PROSER1: variants seen among roughly 807,000 people sequenced by gnomAD.
PROSER1 encodes proline and serine rich 1.
In PROSER1, 36 loss-of-function variants were observed where a neutral mutation model predicts 71.8. The observed-to-expected ratio is 0.50, with a 90% confidence interval of 0.38 to 0.66. The LOEUF (loss-of-function observed/expected upper bound fraction) is 0.66. Among genes scored for constraint, PROSER1 ranks in the 30% least tolerant of loss-of-function variants. The probability of loss-of-function intolerance (pLI) is 0.00; values close to 1 mark genes in which losing one functional copy is unlikely to be tolerated. For synonymous variants in PROSER1, 490 were observed against 452.4 expected (o/e 1.08, Z -1.06); for missense variants, 1,107 against 1,135.0 (o/e 0.98, Z 0.35).
intron 6 of PROSER1, among the ~76,000 whole-genome samples, chr13:39,025,455 G>A (rs9576705): frequency 0.14 from 22,047 of 152,088 alleles, 1,921 homozygotes; most frequent in African/African-American, 0.23. Flanking sequence ...AGAAAGGATG[G>A]CATCTGACTT....
chr13:39,034,862 T>C (rs925913988), intron 1 of PROSER1, among the ~76,000 whole-genome samples: 2 of 152,320 alleles, frequency 1.3e-5, no homozygotes, highest in Admixed American at 6.5e-5. Flanking sequence ...ATATAACAGG[T>C]ATTCAGTAAG....
chr13:39,026,181 G>T, intron 6 of PROSER1, 96 bp downstream of exon 6: 2 of 730,396 alleles, frequency 2.7e-6, no homozygotes, highest in South Asian at 1.9e-5. Flanking sequence ...TTAAGTTACC[G>T]ACATAAAATT....
At chr13:39,029,132 A>G (rs920771447) in intron 4 of PROSER1, 149 bp downstream of exon 4, 28 of 530,828 alleles carry the variant, frequency 5.3e-5, no homozygotes, top group Admixed American at 1.2e-4. Flanking sequence ...AGTACACTAG[A>G]TACTTATTCA....
At position 39,011,279 on chromosome 13, in the gene PROSER1, G is replaced by T; in HGVS notation, c.*86C>A. On this transcript the variant is annotated 3_prime_UTR_variant, in exon 13 of 13. Transcript: ENST00000352251. ...CCCTCATTCTCATTTTCCGACTTTTGGCCAGCTTCACATTTGTCAGATTGT... is the reference window on the plus strand; with the variant it reads ...CCCTCATTCTCATTTTCCGACTTTTTGCCAGCTTCACATTTGTCAGATTGT... 2.9e-6 allele frequency: 4 copies of T among 1,383,614 alleles called. No individual in the cohort carries two copies. Among genetic ancestry groups the T allele is most frequent in the South Asian group, 1.3e-5 (1 of 76,088 alleles). The allele number at this position is 1,383,614 out of a possible 1,614,324, so 85.7% of individuals were successfully genotyped here. A position where few individuals can be genotyped will look rare whatever the true frequency, so the allele number is the denominator to read the frequency against.
In PROSER1 at chr13:39,012,192, G is replaced by C. The variant is rs983817681; in HGVS notation, c.2603C>G (p.Pro868Arg). 6.8e-6 allele frequency: 11 copies of C among 1,614,042 alleles called. No individual in the cohort carries two copies. The highest frequency in any genetic ancestry group is 9.3e-6 in the Non-Finnish European group (11 of 1,179,974). ...GLQAAGSSVF[P>R]GLLSLPGIPG... is the part of the protein sequence containing the mutation. Reference sequence around the variant, plus strand: ...GATACCCGGGAGGGACAAAAGGCCTGGAAAAACAGAACTGCCTGCAGCTTG... The same window carrying C: ...GATACCCGGGAGGGACAAAAGGCCTCGAAAAACAGAACTGCCTGCAGCTTG... Residue 868 changes from proline (P) to arginine (R), a missense_variant, in exon 12 of 13, where the codon CCA becomes CGA. Physicochemically the swap from Pro to Arg is moderately radical, Grantham distance 103. Transcript: ENST00000352251.
At chr13:39,011,977 C>A in intron 12 of PROSER1, 106 bp downstream of exon 12, 3 of 1,196,236 alleles carry the variant, frequency 2.5e-6, no homozygotes, top group African/African-American at 1.5e-5. Context: ...TGCTAAGAGC[C>A]ATTTTTTGCC....
intron 11 of PROSER1, 132 bp from the exon 12 acceptor site, chr13:39,012,365 G>A: frequency 1.0e-6 from 1 of 1,000,848 alleles, no homozygotes; most frequent in Non-Finnish European, 1.5e-6. Flanking sequence ...TCTGTTGGAA[G>A]GACCATAAAA....
chr13:39,027,581 C>A (rs141355442), intron 5 of PROSER1, among the ~76,000 whole-genome samples: 11 of 152,280 alleles, frequency 7.2e-5, no homozygotes, highest in African/African-American at 1.9e-4. Context: ...TGGCTCAGAT[C>A]TTAACTCTTC....
chr13:39,034,045 CA>C, intron 2 of PROSER1, 85 bp downstream of exon 2: 1 of 948,866 alleles, frequency 1.1e-6, no homozygotes, highest in South Asian at 2.1e-5. Flanking sequence ...AAGGTAAAAC[CA>C]ATTCTGAATT....
intron 9 of PROSER1, among the ~76,000 whole-genome samples, chr13:39,020,327 AT>A (rs779818050): frequency 6.6e-5 from 10 of 152,240 alleles, no homozygotes; most frequent in African/African-American, 1.9e-4. Context: ...TATCATAAAA[AT>A]GTCAGTTCTT....
At chr13:39,036,071 G>A (rs1222722378) in intron 1 of PROSER1, among the ~76,000 whole-genome samples, 1 of 151,990 alleles carries the variant, frequency 6.6e-6, no homozygotes, top group African/African-American at 2.4e-5. Context: ...AAAATCTGCT[G>A]GTCTACTTGG....
At chr13:39,035,218 G>A (rs1871041043) in intron 1 of PROSER1, among the ~76,000 whole-genome samples, 2 of 152,172 alleles carry the variant, frequency 1.3e-5, no homozygotes, top group South Asian at 2.1e-4. Context: ...ATTCCTAGGA[G>A]TTTTATTATC....
rs998121516 is a variant in PROSER1, at chr13:39,028,087, C to A, written c.369+140G>T. 5 of 539,900 alleles carry A rather than the reference C, an allele frequency of 9.3e-6. No individual in the cohort carries two copies. In the Admixed American group the frequency reaches 1.6e-4, roughly 17 times the overall value. 33.4% of individuals were successfully genotyped at this position (539,900 alleles called of 1,614,324 possible). On this transcript the variant is annotated intron_variant, in intron 5 of 12. Coordinates refer to ENST00000352251, the MANE Select transcript of PROSER1 (RefSeq NM_025138.5). The stretch of plus-strand genomic sequence containing the variant: ...CCAGCTCTATTTCCACGCCGCAGAC[C>A]GCAGGGATGTTCATTTTTAACCCAT...
In PROSER1 at chr13:39,013,045, G is replaced by A; in HGVS notation, c.2207C>T (p.Thr736Ile). The A allele has an allele frequency of 6.2e-7, 1 of 1,614,128 alleles. No homozygotes were observed. Among genetic ancestry groups the A allele is most frequent in the South Asian group, 1.1e-5 (1 of 91,074 alleles). The change falls in exon 11 of 13, where the codon ACA becomes ATA. Residue 736 changes from threonine to isoleucine, a missense_variant. Physicochemically the swap from Thr to Ile is moderately conservative, Grantham distance 89 (BLOSUM62 -1). Transcript: ENST00000352251. The part of the protein sequence containing the change: ...IATSSTAATS[T>I]SLPHPSSTAA... Reference sequence around the variant, plus strand: ...CGTTGAGCTAGGATGAGGGAGAGATGTGGAGGTGGCAGCGGTAGATGAGGT... The same window carrying A: ...CGTTGAGCTAGGATGAGGGAGAGATATGGAGGTGGCAGCGGTAGATGAGGT...
At chr13:39,024,093 T>C (rs368501747) in intron 7 of PROSER1, among the ~76,000 whole-genome samples, 1 of 151,988 alleles carries the variant, frequency 6.6e-6, no homozygotes, top group Non-Finnish European at 1.5e-5. Context: ...TACATTGCAA[T>C]CATTATAATC....
intron 1 of PROSER1, among the ~76,000 whole-genome samples, chr13:39,036,695 C>G (rs770532234): frequency 1.3e-5 from 2 of 152,096 alleles, no homozygotes; most frequent in Non-Finnish European, 2.9e-5. Flanking sequence ...TTCCTAAGAA[C>G]GTGACTTTAA....
chr13:39,036,902 T>A (rs2138142570), intron 1 of PROSER1, among the ~76,000 whole-genome samples: 1 of 152,280 alleles, frequency 6.6e-6, no homozygotes, highest in Admixed American at 6.5e-5. Context: ...TTAAACCCCT[T>A]ACCCAAAAAG....
chr13:39,014,291 A>C lies in PROSER1; in HGVS notation c.961T>G (p.Ser321Ala), dbSNP rs531862776. Residue 321 changes from serine (S) to alanine (A), a missense_variant, in exon 11 of 13, where the codon TCC (serine) becomes GCC (alanine). By Grantham distance (99) the Ser-to-Ala change is moderately conservative. Coordinates refer to ENST00000352251, the MANE Select transcript of PROSER1 (RefSeq NM_025138.5). ...TVLPVFPGQV[S>A]SAVHTPQPSI... ...GGCTGAGGTGTGTGAACGGCTGAGG[A>C]GACCTGCCCTGGGAACACAGGAAGG... 2 of 1,614,124 alleles carry C rather than the reference A, an allele frequency of 1.2e-6. No homozygotes were observed. Among genetic ancestry groups the C allele is most frequent in the Admixed American group, 1.7e-5 (1 of 60,018 alleles).
chr13:39,013,441 G>A lies in PROSER1; in HGVS notation c.1811C>T (p.Pro604Leu). 2 of 1,614,174 alleles carry A rather than the reference G, an allele frequency of 1.2e-6. No homozygotes were observed. Among genetic ancestry groups the A allele is most frequent in the Non-Finnish European group, 1.7e-6 (2 of 1,180,038 alleles). ...TGTGGGCTCAGTTTTGATCATAACA[G>A]GAAGAGTTGTTGCAGCAGGGGTAGA... ...ISSTPAATTL[P>L]VMIKTEPTSP... Residue 604 changes from proline (P) to leucine (L), a missense_variant, in exon 11 of 13, where the codon CCT (proline) becomes CTT (leucine). Coordinates refer to ENST00000352251, the MANE Select transcript of PROSER1 (RefSeq NM_025138.5).
Sources: allele counts gnomAD v4.1 joint callset (sites outside exome capture counted in the v4.1 genomes callset), GRCh38; gene constraint gnomAD v4.1.1; transcripts MANE v1.5; gene names NCBI Gene and HGNC (gene_info 2026-07-23, HGNC 2026-07-21).